The following ARMH4 variants were observed in gnomAD, a reference collection of about 807,000 sequenced individuals.
ARMH4 encodes armadillo-like helical domain-containing protein 4.
In ARMH4, 49 loss-of-function variants were observed where a neutral mutation model predicts 61.9. The observed-to-expected ratio is 0.79, with a 90% CI of 0.63 to 1.00. ARMH4 has a LOEUF of 1.00. Ranked by LOEUF, ARMH4 falls within the 50% of genes least tolerant of loss-of-function variation. The pLI, the probability that ARMH4 is intolerant of heterozygous loss-of-function variation, is 0.00. For synonymous variants in ARMH4, 368 were observed against 341.5 expected (o/e 1.08, Z -0.85); for missense variants, 934 against 930.0 (o/e 1.00, Z -0.06).
intron 5 of ARMH4, among the ~76,000 whole-genome samples, chr14:58,021,727 G>A (rs919872256): frequency 3.3e-5 from 5 of 152,320 alleles, no homozygotes; most frequent in Admixed American, 2.6e-4. Context: ...GCCAGGAGAA[G>A]AGACAGGTAG....
intron 4 of ARMH4, among the ~76,000 whole-genome samples, chr14:58,127,123 C>A (rs1886920910): frequency 6.6e-6 from 1 of 152,048 alleles, no homozygotes; most frequent in African/African-American, 2.4e-5. Context: ...AATTCTCCAG[C>A]AAGTCAATTA....
intron 5 of ARMH4, among the ~76,000 whole-genome samples, chr14:58,030,081 T>C (rs975938184): frequency 1.3e-5 from 2 of 152,220 alleles, no homozygotes; most frequent in African/African-American, 4.8e-5. Flanking sequence ...TTGAAAACAT[T>C]ACACTAAGTG....
Position 58,099,909 on chromosome 14 carries a change from T to A in ARMH4, c.1832-2928A>T, listed in dbSNP as rs113968520. 2.1e-3 allele frequency among the ~76,000 whole-genome samples: 326 copies of A among 152,324 alleles called. 1 individual carries two copies. The highest frequency in any genetic ancestry group is 7.0e-3 in the African/African-American group (291 of 41,578). On this transcript the variant is annotated intron_variant, in intron 4 of 7. Transcript: ENST00000267485. ...ATTTTGCTGTGCCTCAACCTCCTCG[T>A]CTGTAAAACTGATATTATTCCTACC...
At chr14:58,120,517 A>G (rs1265646145) in intron 4 of ARMH4, among the ~76,000 whole-genome samples, 3 of 152,128 alleles carry the variant, frequency 2.0e-5, no homozygotes, top group Admixed American at 1.3e-4. Flanking sequence ...CGATGAACAG[A>G]GTCAAACTCT....
At chr14:58,036,926 C>T (rs1316523734) in intron 5 of ARMH4, among the ~76,000 whole-genome samples, 3 of 123,538 alleles carry the variant, frequency 2.4e-5, no homozygotes, top group Admixed American at 1.5e-4. Context: ...GAAGAACGTT[C>T]CATGCTCATG....
chr14:58,010,198 T>TGATG (rs1486039636), intron 6 of ARMH4, among the ~76,000 whole-genome samples: 8 of 151,716 alleles, frequency 5.3e-5, no homozygotes, highest in South Asian at 2.1e-4. Flanking sequence ...CTTTAATAGA[T>TGATG]GATGGATGGA....
chr14:58,063,534 T>G (rs1393914809), intron 5 of ARMH4, among the ~76,000 whole-genome samples: 1 of 150,752 alleles, frequency 6.6e-6, no homozygotes, highest in Non-Finnish European at 1.5e-5. Context: ...AGTAGGCAGG[T>G]CATGGTGCTT....
intron 5 of ARMH4, among the ~76,000 whole-genome samples, chr14:58,031,553 A>T (rs900475056): frequency 2.0e-5 from 3 of 152,224 alleles, no homozygotes; most frequent in Non-Finnish European, 4.4e-5. Context: ...GTGGTCCAAC[A>T]TTACAGAGAA....
rs142191767 is a variant in ARMH4, at chr14:58,040,374, C to G, written c.2090-28224G>C. On this transcript the variant is annotated intron_variant, in intron 5 of 7. Transcript: ENST00000267485. ...GTTCCCCGCCATGTGTCCATGTGTT[C>G]TCATCATTTAGCTCCCACTTATAAG... Among the ~76,000 whole-genome samples, 443 of 152,146 alleles carry G rather than the reference C, an allele frequency of 2.9e-3. 3 individuals are homozygous for G. The highest frequency in any genetic ancestry group is 0.01 in the African/African-American group (425 of 41,528).
intron 5 of ARMH4, among the ~76,000 whole-genome samples, chr14:58,021,387 T>C (rs1882823644): frequency 6.6e-6 from 1 of 152,228 alleles, no homozygotes; most frequent in Admixed American, 6.5e-5. Context: ...CCTGCTGCCA[T>C]GTAGGATGTG....
intron 5 of ARMH4, among the ~76,000 whole-genome samples, chr14:58,042,871 T>C (rs919479484): frequency 1.3e-5 from 2 of 152,100 alleles, no homozygotes; most frequent in Non-Finnish European, 1.5e-5. Context: ...CCTAGACACA[T>C]ACACTCTCCC....
At chr14:58,133,471 G>A (rs1594776975) in intron 2 of ARMH4, 130 bp from the exon 3 acceptor site, 1 of 802,208 alleles carries the variant, frequency 1.2e-6, no homozygotes, top group East Asian at 2.7e-5. Flanking sequence ...AGCAAAGAGA[G>A]AACTCAGAAG....
At chr14:58,009,388 C>T (rs1440468351) in intron 6 of ARMH4, among the ~76,000 whole-genome samples, 2 of 152,148 alleles carry the variant, frequency 1.3e-5, no homozygotes. Context: ...GTCAGAAGTG[C>T]CATCCAGGAT....
chr14:58,097,221 G>A (rs992703690), intron 4 of ARMH4, among the ~76,000 whole-genome samples: 1 of 152,166 alleles, frequency 6.6e-6, no homozygotes, highest in East Asian at 1.9e-4. Flanking sequence ...TGTTTACTGG[G>A]AGTCAAAGTT....
chr14:58,005,224 C>T (rs201221914), intron 6 of ARMH4, 42 bp from the exon 7 acceptor site: 13 of 1,612,192 alleles, frequency 8.1e-6, no homozygotes, highest in Admixed American at 6.7e-5. Context: ...CTAAACAGAG[C>T]GCGCCGCCCT....
intron 5 of ARMH4, among the ~76,000 whole-genome samples, chr14:58,054,016 C>T (rs1038685601): frequency 3.9e-5 from 6 of 152,136 alleles, no homozygotes; most frequent in African/African-American, 1.4e-4. Flanking sequence ...TTAGATTTAG[C>T]GCCCTTGGTA....
chr14:58,005,178 C>A lies in ARMH4; in HGVS notation c.2126G>T (p.Gly709Val), dbSNP rs766680136. 3 of 1,613,796 alleles carry A rather than the reference C, an allele frequency of 1.9e-6. No homozygotes were observed. The highest frequency in any genetic ancestry group is 2.5e-6 in the Non-Finnish European group (3 of 1,179,902). The change falls in exon 7 of 8, where the codon GGT becomes GTT. Residue 709 changes from glycine (G) to valine (V), a missense_variant. Gly to Val is a moderately radical substitution (Grantham distance 109, BLOSUM62 -3). Coordinates refer to ENST00000267485, the MANE Select transcript of ARMH4 (RefSeq NM_001001872.4). The stretch of plus-strand genomic sequence containing the variant: ...AGGCACCAGCATCCCAGACATGTAA[C>A]CAGCCTGCATAGAAAAGGAAACACA... Reference protein sequence around the residue: ...SWMEKLKDKAGYMSGMLVPVG... With the variant: ...SWMEKLKDKAVYMSGMLVPVG...
intron 2 of ARMH4, among the ~76,000 whole-genome samples, chr14:58,136,535 T>C (rs1243251266): frequency 1.3e-5 from 2 of 152,216 alleles, no homozygotes; most frequent in Admixed American, 1.3e-4. Context: ...GAATTAGACA[T>C]GTAAAATTCA....
At chr14:58,053,535 G>A (rs567328227) in intron 5 of ARMH4, among the ~76,000 whole-genome samples, 2 of 152,120 alleles carry the variant, frequency 1.3e-5, no homozygotes, top group East Asian at 1.9e-4. Context: ...TATATATCTC[G>A]GTTCATAAAC....
Sources: gnomAD v4.1 joint callset for allele counts (sites outside exome capture counted in the v4.1 genomes callset) on GRCh38, gnomAD v4.1.1 for gene constraint, MANE v1.5 for transcripts, NCBI Gene and HGNC (gene_info 2026-07-23, HGNC 2026-07-21) for gene names.